Variants in MCMDC2 observed in about 807,000 individuals in gnomAD.
MCMDC2 encodes minichromosome maintenance domain-containing protein 2.
A neutral mutation model predicts 75.8 loss-of-function variants in MCMDC2; 54 were observed. The observed-to-expected ratio is 0.71, with a 90% CI of 0.57 to 0.89. The LOEUF is 0.89. MCMDC2 is among the 40% of genes least tolerant of loss of function. The pLI is 0.00. For synonymous variants in MCMDC2, 249 were observed against 274.6 expected (o/e 0.91, Z 0.92); for missense variants, 656 against 780.4 (o/e 0.84, Z 1.90).
chr8:66,906,832 A>G (rs1812921734), intron 14 of MCMDC2, among the ~76,000 whole-genome samples: 1 of 151,468 alleles, frequency 6.6e-6, no homozygotes, highest in African/African-American at 2.4e-5. Flanking sequence ...GCTGGAGTGC[A>G]ATGGCATGAT....
chr8:66,912,458 G>A (rs11991444), intron 14 of MCMDC2, among the ~76,000 whole-genome samples: 2,486 of 152,302 alleles, frequency 0.016, 66 homozygotes, highest in African/African-American at 0.055. Context: ...ATAAAGCAGT[G>A]GCAGTGTTTG....
chr8:66,872,984 C>G (rs944083837), intron 1 of MCMDC2, among the ~76,000 whole-genome samples: 1 of 149,828 alleles, frequency 6.7e-6, no homozygotes, highest in Admixed American at 6.7e-5. Context: ...AAAAAACAAC[C>G]TGGTAATGAA....
At chr8:66,875,216 C>A (rs1247893982) in intron 4 of MCMDC2, among the ~76,000 whole-genome samples, 2 of 152,020 alleles carry the variant, frequency 1.3e-5, no homozygotes, top group Non-Finnish European at 2.9e-5. Flanking sequence ...AAAGCAAATC[C>A]CAGATATTCT....
downstream of MCMDC2, chr8:66,926,181 A>G (rs1813709032): frequency 6.6e-6 from 1 of 152,160 alleles, no homozygotes; most frequent in African/African-American, 2.4e-5. Flanking sequence ...TATAGCATTC[A>G]TAAAGCAGTT....
chr8:66,872,957 C>CAA (rs749748721), intron 1 of MCMDC2, among the ~76,000 whole-genome samples: 1,424 of 39,248 alleles, frequency 0.036, 55 homozygotes, highest in African/African-American at 0.11. Flanking sequence ...GACTCCATCT[C>CAA]AAAAAAAAAA....
At chr8:66,893,012 T>C (rs1332298862) in intron 10 of MCMDC2, among the ~76,000 whole-genome samples, 1 of 152,192 alleles carries the variant, frequency 6.6e-6, no homozygotes, top group Non-Finnish European at 1.5e-5. Flanking sequence ...ATGAGAGATA[T>C]TGGTCTGTAG....
intron 4 of MCMDC2, among the ~76,000 whole-genome samples, chr8:66,876,625 A>G (rs1563366730): frequency 6.6e-6 from 1 of 152,188 alleles, no homozygotes; most frequent in Non-Finnish European, 1.5e-5. Flanking sequence ...ATTTCCCCCA[A>G]GGAATCCTGA....
In MCMDC2 at chr8:66,913,913, G is replaced by A. The variant is rs376407951; in HGVS notation, c.1880-5090G>A. 1.3e-4 allele frequency among the ~76,000 whole-genome samples: 19 copies of A among 145,402 alleles called. No individual in the cohort carries two copies. In the South Asian group the frequency reaches 3.5e-3, roughly 27 times the overall value. On this transcript the variant is annotated intron_variant, in intron 14 of 14. Transcript: ENST00000422365. ...TGGTGGGTGGAGGTTGCAGTGAGCCGAGATCGTACCACTGCCCTCCAGCCT... is the reference window on the plus strand; with the variant it reads ...TGGTGGGTGGAGGTTGCAGTGAGCCAAGATCGTACCACTGCCCTCCAGCCT...
rs1185468589 is a variant in MCMDC2 at position 66,921,463 on chromosome 8, A to C, written c.*2294A>C. 1.3e-5 allele frequency: 2 copies of C among 152,208 alleles called. No homozygotes were observed. Among genetic ancestry groups the C allele is most frequent in the East Asian group, 3.8e-4 (2 of 5,208 alleles). The allele number at this position is 152,208 out of a possible 1,614,324, so 9.4% of individuals were successfully genotyped here. On this transcript the variant is annotated 3_prime_UTR_variant, in exon 15 of 15. Coordinates refer to ENST00000422365, the MANE Select transcript of MCMDC2 (RefSeq NM_173518.5). ...TAAAAATTATAACCTTGGTAAAAGG[A>C]ATTTATAAGCTAGTACTCAACAGGA...
chr8:66,901,417 A>G (rs1812654402), intron 13 of MCMDC2, 69 bp downstream of exon 13: 1 of 1,536,158 alleles, frequency 6.5e-7, no homozygotes, highest in South Asian at 1.3e-5. Context: ...TAAATTGCTA[A>G]TTTACCTATT....
chr8:66,893,684 T>C (rs1311306303), intron 10 of MCMDC2, among the ~76,000 whole-genome samples: 1 of 152,224 alleles, frequency 6.6e-6, no homozygotes, highest in Non-Finnish European at 1.5e-5. Context: ...GAGTTCACGA[T>C]GAGATTTGGG....
chr8:66,872,680 G>T (rs76058561), intron 1 of MCMDC2, among the ~76,000 whole-genome samples: 1 of 151,982 alleles, frequency 6.6e-6, no homozygotes, highest in Admixed American at 6.6e-5. Context: ...TAATGAGGCC[G>T]GGTGCGGTGG....
chr8:66,891,994 A>G (rs1220815961), intron 10 of MCMDC2, among the ~76,000 whole-genome samples: 1 of 152,202 alleles, frequency 6.6e-6, no homozygotes, highest in Non-Finnish European at 1.5e-5. Context: ...TGGAGCCCCA[A>G]GGGGCTGCAG....
chr8:66,873,628 C>T (rs78403040), intron 1 of MCMDC2, among the ~76,000 whole-genome samples: 2,776 of 152,222 alleles, frequency 0.018, 88 homozygotes, highest in African/African-American at 0.062. Flanking sequence ...TGGCTCACAC[C>T]TGTAATCCCA....
rs145983403 is a variant in MCMDC2 at position 66,877,506 on chromosome 8, G to T, written c.443G>T (p.Arg148Ile). 2 of 1,607,136 alleles carry T rather than the reference G, an allele frequency of 1.2e-6. No individual in the cohort carries two copies. Among genetic ancestry groups the T allele is most frequent in the South Asian group, 2.2e-5 (2 of 89,032 alleles). ...ATAACCAAGTATACACAAGGGGCAA[G>T]ATTTCTTTGTTCAGATGAAGCATGC... is the stretch of plus-strand genomic sequence containing the variant. The part of the protein sequence containing the change: ...TTITKYTQGA[R>I]FLCSDEACPL... Residue 148 changes from arginine (R) to isoleucine (I), a missense_variant, in exon 5 of 15, where the codon AGA becomes ATA. Transcript: ENST00000422365.
chr8:66,916,153 T>A (rs944443416), intron 14 of MCMDC2, among the ~76,000 whole-genome samples: 2 of 151,782 alleles, frequency 1.3e-5, no homozygotes, highest in African/African-American at 4.8e-5. Flanking sequence ...TTTTTTTTTT[T>A]AAAGATAGAA....
chr8:66,886,808 G>A (rs1811865203), intron 9 of MCMDC2, among the ~76,000 whole-genome samples: 1 of 151,586 alleles, frequency 6.6e-6, no homozygotes, highest in South Asian at 2.1e-4. Flanking sequence ...GAAACTGCCA[G>A]TTTTCCGAAG....
chr8:66,884,205 A>G (rs1316430867), intron 9 of MCMDC2: 1 of 553,842 alleles, frequency 1.8e-6, no homozygotes, highest in East Asian at 2.9e-5. Context: ...CTATTTCCCC[A>G]CTCAGACCTT....
At chr8:66,874,689 CT>C (rs1157523761) in intron 4 of MCMDC2, 103 bp downstream of exon 4, 5 of 1,036,940 alleles carry the variant, frequency 4.8e-6, no homozygotes, top group Non-Finnish European at 6.9e-6. Context: ...AAGGATACTA[CT>C]TTTTTTCAAA....
Sources: allele counts gnomAD v4.1 joint callset (sites outside exome capture counted in the v4.1 genomes callset), GRCh38; gene constraint gnomAD v4.1.1; transcripts MANE v1.5; gene names NCBI Gene and HGNC (gene_info 2026-07-23, HGNC 2026-07-21).